The following PCDHA1 variants were observed in gnomAD, a reference collection of about 807,000 sequenced individuals.
The protein encoded by PCDHA1 is protocadherin alpha-1.
A neutral mutation model predicts 61.3 loss-of-function variants in PCDHA1; 42 were observed. That is an observed-to-expected ratio of 0.69 (90% CI 0.54 to 0.89). PCDHA1 has a LOEUF of 0.89. Among genes scored for constraint, PCDHA1 ranks in the 40% least tolerant of loss-of-function variants. The pLI is 0.00. For synonymous variants in PCDHA1, 610 were observed against 553.8 expected (o/e 1.10, Z -1.43); for missense variants, 1,256 against 1,235.3 (o/e 1.02, Z -0.25).
intron 1 of PCDHA1, among the ~76,000 whole-genome samples, chr5:140,955,342 C>T (rs981239160): frequency 1.3e-5 from 2 of 152,130 alleles, no homozygotes; most frequent in Admixed American, 6.6e-5. Context: ...ATAATCCCCA[C>T]ATGTTGTGAG....
Position 140,829,741 on chromosome 5 carries a change from G to A in PCDHA1, c.2394+41057G>A. The A allele has an allele frequency of 1.9e-6, 3 of 1,613,668 alleles. No homozygotes were observed. The South Asian group carries it at 3.3e-5, about 18-fold the overall frequency. On this transcript the variant is annotated intron_variant, in intron 1 of 3. Transcript: ENST00000504120. ...TGCCGCCTCTGGGCAGCAACGTGACGCTGCAGGTGTTCGTGCTGGACGAGA... is the reference window on the plus strand; with the variant it reads ...TGCCGCCTCTGGGCAGCAACGTGACACTGCAGGTGTTCGTGCTGGACGAGA...
At chr5:140,934,690 T>C (rs1263392505) in intron 1 of PCDHA1, among the ~76,000 whole-genome samples, 1 of 152,198 alleles carries the variant, frequency 6.6e-6, no homozygotes, top group Non-Finnish European at 1.5e-5. Flanking sequence ...AAACAATGAA[T>C]TGATTCCTGG....
rs782344839 is a variant in PCDHA1 at position 140,788,075 on chromosome 5, C to T, written c.1785C>T (p.Arg595=). ...CGGGTCATGTGGTGGCGAAGGTGCGCGCAGTGGACGCCGACTCGGGCTACA... is the reference window on the plus strand; with the variant it reads ...CGGGTCATGTGGTGGCGAAGGTGCGTGCAGTGGACGCCGACTCGGGCTACA... The part of the protein sequence containing the change: ...VGAGHVVAKV[R]AVDADSGYNA... Residue 595 remains arginine (R), a synonymous_variant, in exon 1 of 4, where the codon CGC becomes CGT. Transcript: ENST00000504120. The T allele has an allele frequency of 4.0e-5, 65 of 1,613,868 alleles. No homozygotes were observed. The highest frequency in any genetic ancestry group is 5.5e-5 in the Non-Finnish European group (65 of 1,179,914).
At chr5:140,967,479 C>T (rs782390272) in intron 1 of PCDHA1, 7 of 1,613,262 alleles carry the variant, frequency 4.3e-6, no homozygotes, top group East Asian at 2.2e-5. Context: ...CCAGCCCGCT[C>T]GGGTACGGCA....
At chr5:140,829,284 T>A (rs2150165150) in intron 1 of PCDHA1, 2 of 1,614,254 alleles carry the variant, frequency 1.2e-6, no homozygotes, top group South Asian at 2.2e-5. Flanking sequence ...TTCAAGCTGG[T>A]GTCCACCTTC....
rs2150411782 is a variant in PCDHA1 at position 140,848,517 on chromosome 5, G to T, written c.2394+59833G>T. 2.4e-5 allele frequency: 38 copies of T among 1,592,614 alleles called. 5 individuals carry two copies. The highest frequency in any genetic ancestry group is 3.3e-4 in the Middle Eastern group (2 of 5,984). On this transcript the variant is annotated intron_variant, in intron 1 of 3. Coordinates refer to ENST00000504120, the MANE Select transcript of PCDHA1 (RefSeq NM_018900.4). ...TGAAATGTTATACTCAAGTCGAGGAGATCCAGAGGGTCAGCCTCTACTGCT... is the reference window on the plus strand; with the variant it reads ...TGAAATGTTATACTCAAGTCGAGGATATCCAGAGGGTCAGCCTCTACTGCT...
At chr5:140,877,390 G>C in intron 1 of PCDHA1, 1 of 1,613,986 alleles carries the variant, frequency 6.2e-7, no homozygotes, top group Non-Finnish European at 8.5e-7. Flanking sequence ...CCTGGATGAG[G>C]CGGACGCTCC....
At chr5:140,980,173 G>GA (rs2096879198) in intron 2 of PCDHA1, among the ~76,000 whole-genome samples, 1 of 152,162 alleles carries the variant, frequency 6.6e-6, no homozygotes, top group Non-Finnish European at 1.5e-5. Flanking sequence ...GGTATCAGAA[G>GA]AAATTCTTTA....
Position 140,888,156 on chromosome 5 carries a change from A to T in PCDHA1, c.2395-90793A>T, listed in dbSNP as rs556908449. 2.0e-5 allele frequency among the ~76,000 whole-genome samples: 3 copies of T among 152,300 alleles called. No homozygotes were observed. In the South Asian group the frequency reaches 6.2e-4, roughly 32 times the overall value. On this transcript the variant is annotated intron_variant, in intron 1 of 3. Coordinates refer to ENST00000504120, the MANE Select transcript of PCDHA1 (RefSeq NM_018900.4). ...TTTCTTGCTGTTTTGCATGACTGGT[A>T]ATCTCTAATAAGATGCTAGACATTG...
Position 140,787,506 on chromosome 5 carries a change from T to C in PCDHA1, c.1216T>C (p.Ser406Pro). ...KLVSTFKNYY[S>P]LVLDSALDRE... ...GGTGTCCACCTTCAAGAATTACTAC[T>C]CGTTGGTGTTGGACAGCGCCCTGGA... Residue 406 changes from serine to proline, a missense_variant, in exon 1 of 4, where the codon TCG becomes CCG. By Grantham distance (74) the Ser-to-Pro change is moderately conservative. Coordinates refer to ENST00000504120, the MANE Select transcript of PCDHA1 (RefSeq NM_018900.4). The C allele has an allele frequency of 1.4e-5, 23 of 1,614,108 alleles. No individual in the cohort carries two copies. Among genetic ancestry groups the C allele is most frequent in the Non-Finnish European group, 1.9e-5 (23 of 1,180,014 alleles).
intron 1 of PCDHA1, chr5:140,808,438 C>A (rs7702779): frequency 2.5e-6 from 4 of 1,614,044 alleles, no homozygotes; most frequent in Non-Finnish European, 3.4e-6. Context: ...ACCGCGAGAG[C>A]GTGTCAGCCT....
intron 1 of PCDHA1, chr5:140,805,665 T>C: frequency 1.2e-6 from 1 of 841,872 alleles, no homozygotes; most frequent in Non-Finnish European, 1.4e-6. Context: ...TCCCCATTAA[T>C]ACCCAGGATG....
chr5:140,802,045 C>A (rs781990436), intron 1 of PCDHA1: 2 of 1,614,140 alleles, frequency 1.2e-6, no homozygotes, highest in East Asian at 2.2e-5. Flanking sequence ...TCTTTCAATA[C>A]GGACATGTCA....
At chr5:140,901,033 T>C (rs2153472378) in intron 1 of PCDHA1, among the ~76,000 whole-genome samples, 1 of 152,364 alleles carries the variant, frequency 6.6e-6, no homozygotes, top group South Asian at 2.1e-4. Flanking sequence ...TTCAACTCTT[T>C]TGCCCATTTT....
intron 1 of PCDHA1, among the ~76,000 whole-genome samples, chr5:140,964,713 A>C (rs2095850699): frequency 6.6e-6 from 1 of 152,070 alleles, no homozygotes; most frequent in South Asian, 2.1e-4. Flanking sequence ...TCCGAGATCA[A>C]ATTACCACAG....
At chr5:140,821,886 A>T in intron 1 of PCDHA1, 1 of 1,614,246 alleles carries the variant, frequency 6.2e-7, no homozygotes, top group Non-Finnish European at 8.5e-7. Flanking sequence ...TCCCGGAGGA[A>T]GCCAAACACG....
intron 1 of PCDHA1, among the ~76,000 whole-genome samples, chr5:140,976,409 G>C (rs1208759254): frequency 6.6e-6 from 1 of 152,064 alleles, no homozygotes; most frequent in African/African-American, 2.4e-5. Flanking sequence ...AAATTAGCCA[G>C]GTACGGTGGC....
chr5:140,946,298 G>A (rs1670826449), intron 1 of PCDHA1, among the ~76,000 whole-genome samples: 1 of 151,840 alleles, frequency 6.6e-6, no homozygotes, highest in Admixed American at 6.6e-5. Flanking sequence ...CCTCACACCT[G>A]GTAGAATGGC....
At chr5:140,822,547 A>T (rs61730633) in intron 1 of PCDHA1, 2 of 1,613,680 alleles carry the variant, frequency 1.2e-6, no homozygotes, top group Non-Finnish European at 1.7e-6. Context: ...ACCAAGTGGG[A>T]CATTAGTTAT....
Sources: gnomAD v4.1 joint callset for allele counts (sites outside exome capture counted in the v4.1 genomes callset) on GRCh38, gnomAD v4.1.1 for gene constraint, MANE v1.5 for transcripts, NCBI Gene and HGNC (gene_info 2026-07-23, HGNC 2026-07-21) for gene names.